Variants in PCDHGB7 observed in about 807,000 individuals in gnomAD.
PCDHGB7 encodes the protein protocadherin gamma subfamily B, 7.
In PCDHGB7, 37 loss-of-function variants were observed where a neutral mutation model predicts 61.4. The ratio of observed to expected loss-of-function variants is 0.60; its 90% CI spans 0.46 to 0.79. PCDHGB7 has a LOEUF of 0.79. PCDHGB7 is among the 30% of genes least tolerant of loss of function. The pLI is 0.00. For missense variants in PCDHGB7, 1,166 were observed against 1,202.5 expected (o/e 0.97, Z 0.45); for synonymous variants, 464 against 503.5 (o/e 0.92, Z 1.05).
intron 3 of PCDHGB7, among the ~76,000 whole-genome samples, chr5:141,505,981 A>G (rs1285802357): frequency 6.6e-6 from 1 of 151,898 alleles, no homozygotes; most frequent in Non-Finnish European, 1.5e-5. Context: ...CCGAGAGAAC[A>G]CCTCCTCTTT....
intron 1 of PCDHGB7, among the ~76,000 whole-genome samples, chr5:141,460,912 G>GTGTATATATA (rs145509489): frequency 6.7e-6 from 1 of 149,236 alleles, no homozygotes; most frequent in Non-Finnish European, 1.5e-5. Flanking sequence ...ATTCCATGGT[G>GTGTATATATA]TATATATATA....
intron 1 of PCDHGB7, among the ~76,000 whole-genome samples, chr5:141,443,592 G>A (rs2098395439): frequency 6.6e-6 from 1 of 152,076 alleles, no homozygotes; most frequent in Admixed American, 6.6e-5. Context: ...AACAGAATGT[G>A]GTATATGAAA....
chr5:141,464,389 A>G (rs2099082481), intron 1 of PCDHGB7, among the ~76,000 whole-genome samples: 1 of 151,766 alleles, frequency 6.6e-6, no homozygotes, highest in Non-Finnish European at 1.5e-5. Flanking sequence ...AAAAATGCTA[A>G]TGAAGAACCT....
Position 141,432,035 on chromosome 5 carries a change from G to T in PCDHGB7, c.2415+11761G>T. 1 of 1,614,218 alleles carries T rather than the reference G, an allele frequency of 6.2e-7. No homozygotes were observed. The highest frequency in any genetic ancestry group is 1.1e-5 in the South Asian group (1 of 91,066). On this transcript the variant is annotated intron_variant, in intron 1 of 3. Transcript: ENST00000398594. The surrounding 1 kb of genome is among the most constrained non-coding windows in gnomAD (Gnocchi z 6.0). ...CTACAACATCACAGTGACCGCCACT[G>T]ACCGGGGAACCCCGCCCCTATCCAC... is the stretch of plus-strand genomic sequence containing the variant.
chr5:141,423,434 T>C, intron 1 of PCDHGB7: 1 of 1,614,036 alleles, frequency 6.2e-7, no homozygotes, highest in Non-Finnish European at 8.5e-7. Flanking sequence ...TTGGCAGGTA[T>C]GCCCACGTCA....
At chr5:141,460,908 T>C (rs550367008) in intron 1 of PCDHGB7, among the ~76,000 whole-genome samples, 2,136 of 133,318 alleles carry the variant, frequency 0.016, 43 homozygotes, top group African/African-American at 0.062. Flanking sequence ...TAATATTCCA[T>C]GGTGTATATA....
intron 1 of PCDHGB7, among the ~76,000 whole-genome samples, chr5:141,472,712 G>A (rs1303609397): frequency 1.3e-5 from 2 of 151,972 alleles, no homozygotes; most frequent in Admixed American, 6.6e-5. Flanking sequence ...CAGGCCAGGC[G>A]CTGTGGCTCA....
Position 141,511,309 on chromosome 5 carries a change from G to C in PCDHGB7, c.*136G>C. The stretch of plus-strand genomic sequence containing the variant: ...GGGGCCAAGGCCATGCTCCCCTTGG[G>C]AAACAGAAACAAGTGCCCAGTCAGC... On this transcript the variant is annotated 3_prime_UTR_variant, in exon 4 of 4. Coordinates refer to ENST00000398594, the MANE Select transcript of PCDHGB7 (RefSeq NM_018927.4). 4.0e-6 allele frequency: 6 copies of C among 1,485,470 alleles called. No homozygotes were observed. Among genetic ancestry groups the C allele is most frequent in the Non-Finnish European group, 4.5e-6 (5 of 1,113,432 alleles). 92.0% of individuals were successfully genotyped at this position (1,485,470 alleles called of 1,614,324 possible).
chr5:141,487,069 T>C lies in PCDHGB7; in HGVS notation c.2416-7738T>C, dbSNP rs750739955. 26 of 1,614,160 alleles carry C rather than the reference T, an allele frequency of 1.6e-5. No homozygotes were observed. Among genetic ancestry groups the C allele is most frequent in the Non-Finnish European group, 2.0e-5 (24 of 1,180,002 alleles). On this transcript the variant is annotated intron_variant, in intron 1 of 3. Transcript: ENST00000398594. This position sits in a 1 kb window ranked among gnomAD's most constrained non-coding sequence, Gnocchi z 5.0. The stretch of plus-strand genomic sequence containing the variant: ...ATGCTGGGGAGGTGCGGACGGCTGT[T>C]CCTATCCCAGCTGACCTCCCACCAC...
intron 2 of PCDHGB7, among the ~76,000 whole-genome samples, chr5:141,502,428 A>C (rs2099814217): frequency 6.6e-6 from 1 of 151,978 alleles, no homozygotes; most frequent in South Asian, 2.1e-4. Flanking sequence ...CTATTCTCTG[A>C]TGGTTAGATT....
Position 141,418,908 on chromosome 5 carries a change from C to A in PCDHGB7, c.1049C>A (p.Thr350Lys). 6.2e-7 allele frequency: 1 copy of A among 1,613,932 alleles called. No homozygotes were observed. Among genetic ancestry groups the A allele is most frequent in the South Asian group, 1.1e-5 (1 of 91,078 alleles). ...GACAACAGCCCAGAAATAATCATCACGTCACTCTCTGATCAGATTATGGAG... is the reference window on the plus strand; with the variant it reads ...GACAACAGCCCAGAAATAATCATCAAGTCACTCTCTGATCAGATTATGGAG... ...ENDNSPEIII[T>K]SLSDQIMEDS... Residue 350 changes from threonine to lysine, a missense_variant, in exon 1 of 4, where the codon ACG (threonine) becomes AAG (lysine). Transcript: ENST00000398594.
At chr5:141,464,816 G>A (rs11167751) in intron 1 of PCDHGB7, among the ~76,000 whole-genome samples, 42,470 of 151,904 alleles carry the variant, frequency 0.28, 6,668 homozygotes, top group African/African-American at 0.43. Context: ...ATAGCTCACT[G>A]TAGCCTCGCA....
chr5:141,437,881 G>A (rs1317504695), intron 1 of PCDHGB7, among the ~76,000 whole-genome samples: 4 of 152,026 alleles, frequency 2.6e-5, no homozygotes, highest in Admixed American at 2.6e-4. Flanking sequence ...GGGACTACAG[G>A]CACACGCCAC....
At chr5:141,433,866 T>C (rs1191114798) in intron 1 of PCDHGB7, among the ~76,000 whole-genome samples, 1 of 151,870 alleles carries the variant, frequency 6.6e-6, no homozygotes, top group African/African-American at 2.4e-5. Context: ...CTTTATCCTC[T>C]AGTTTCATCC....
chr5:141,489,729 C>T lies in PCDHGB7; in HGVS notation c.2416-5078C>T, dbSNP rs760195181. ...ACAGTGCCCAGGATCCGGATGTGGGCACCAATACTGTGAGCTTTTACACTC... is the reference window on the plus strand; with the variant it reads ...ACAGTGCCCAGGATCCGGATGTGGGTACCAATACTGTGAGCTTTTACACTC... On this transcript the variant is annotated intron_variant, in intron 1 of 3. Transcript: ENST00000398594. The surrounding 1 kb of genome is among the most constrained non-coding windows in gnomAD (Gnocchi z 4.5). 2.5e-6 allele frequency: 4 copies of T among 1,614,152 alleles called. No individual in the cohort carries two copies. The highest frequency in any genetic ancestry group is 2.2e-5 in the East Asian group (1 of 44,876).
At chr5:141,453,087 T>G (rs2098755775) in intron 1 of PCDHGB7, among the ~76,000 whole-genome samples, 1 of 152,150 alleles carries the variant, frequency 6.6e-6, no homozygotes, top group Non-Finnish European at 1.5e-5. Context: ...TTGATTAGTA[T>G]ATTTTCTGTT....
At chr5:141,505,816 C>A (rs1236221927) in intron 3 of PCDHGB7, among the ~76,000 whole-genome samples, 2 of 152,178 alleles carry the variant, frequency 1.3e-5, no homozygotes, top group African/African-American at 4.8e-5. Flanking sequence ...CTTGCTCAAT[C>A]TCTCTAAACC....
intron 1 of PCDHGB7, among the ~76,000 whole-genome samples, chr5:141,439,043 G>T (rs1688170264): frequency 6.6e-6 from 1 of 151,346 alleles, no homozygotes; most frequent in Non-Finnish European, 1.5e-5. Flanking sequence ...CAGTTCATAA[G>T]ATTTCCATAT....
At chr5:141,475,715 C>T (rs989484033) in intron 1 of PCDHGB7, among the ~76,000 whole-genome samples, 1 of 152,366 alleles carries the variant, frequency 6.6e-6, no homozygotes, top group African/African-American at 2.4e-5. Context: ...AGCCTCACAG[C>T]CCCAAGGCTG....
Sources: allele counts gnomAD v4.1 joint callset (sites outside exome capture counted in the v4.1 genomes callset), GRCh38; gene constraint gnomAD v4.1.1; non-coding constraint Gnocchi (gnomAD v3.1); transcripts MANE v1.5; gene names NCBI Gene and HGNC (gene_info 2026-07-23, HGNC 2026-07-21).